HPSE2: variants seen among roughly 807,000 people sequenced by gnomAD.
The protein encoded by HPSE2 is inactive heparanase-2.
Under a neutral mutation model 60.5 loss-of-function variants are expected in HPSE2, and 38 were observed. That is an observed-to-expected ratio of 0.63 (90% CI 0.48 to 0.82). HPSE2 has a LOEUF of 0.82. Ranked by LOEUF, HPSE2 falls within the 40% of genes least tolerant of loss-of-function variation. The pLI, the probability that HPSE2 is intolerant of heterozygous loss-of-function variation, is 0.00. For missense variants in HPSE2, 713 were observed against 740.4 expected, an observed-to-expected ratio of 0.96 and a Z score of 0.43; for synonymous variants, 295 against 293.2, an observed-to-expected ratio of 1.01 and a Z score of -0.06.
At chr10:99,279,931 TG>T in the HPSE2 span, among the ~76,000 whole-genome samples, 1 of 152,220 alleles carries the variant, frequency 6.6e-6, no homozygotes, top group African/African-American at 2.4e-5. Flanking sequence ...ATTTTTAAGT[TG>T]ATGTCAGAGG....
intron 2 of HPSE2, among the ~76,000 whole-genome samples, chr10:99,219,628 C>G (rs548783157): frequency 6.6e-6 from 1 of 152,174 alleles, no homozygotes; most frequent in Non-Finnish European, 1.5e-5. Flanking sequence ...CTAATCCCAG[C>G]TCTTCTACGT....
chr10:99,179,930 A>C (rs1847692259), intron 2 of HPSE2, among the ~76,000 whole-genome samples: 1 of 152,216 alleles, frequency 6.6e-6, no homozygotes, highest in Non-Finnish European at 1.5e-5. Context: ...CCAATGAAAC[A>C]GAACAGAGGC....
intron 3 of HPSE2, among the ~76,000 whole-genome samples, chr10:99,125,450 G>A (rs1002056619): frequency 9.2e-5 from 14 of 152,292 alleles, no homozygotes; most frequent in South Asian, 2.1e-4. Flanking sequence ...TAAGGAAGAC[G>A]GCAGATTGGA....
chr10:98,645,371 C>T (rs1210663531), intron 6 of HPSE2, among the ~76,000 whole-genome samples: 1 of 152,194 alleles, frequency 6.6e-6, no homozygotes, highest in Non-Finnish European at 1.5e-5. Flanking sequence ...ATGAACTCTT[C>T]AAGAGAATAA....
chr10:98,698,668 CA>C (rs1318924099), intron 5 of HPSE2, among the ~76,000 whole-genome samples: 2 of 151,828 alleles, frequency 1.3e-5, no homozygotes, highest in Non-Finnish European at 1.5e-5. Context: ...AATAGAGACA[CA>C]AAAAACCCTT....
intron 3 of HPSE2, among the ~76,000 whole-genome samples, chr10:98,908,850 T>C (rs1395305284): frequency 2.0e-5 from 3 of 152,118 alleles, no homozygotes; most frequent in Non-Finnish European, 4.4e-5. Context: ...AAAACAATGC[T>C]ATTTATTCCT....
intron 3 of HPSE2, among the ~76,000 whole-genome samples, chr10:98,850,653 C>T (rs1227462621): frequency 2.1e-5 from 3 of 143,542 alleles, no homozygotes; most frequent in Admixed American, 7.3e-5. Context: ...AGGAGAATGG[C>T]GTGAACCCAG....
intron 3 of HPSE2, among the ~76,000 whole-genome samples, chr10:99,057,352 A>G (rs1958137976): frequency 6.6e-6 from 1 of 152,200 alleles, no homozygotes; most frequent in African/African-American, 2.4e-5. Flanking sequence ...ACTACAGACC[A>G]TAACATAGCT....
chr10:98,634,248 T>C (rs979372696), intron 7 of HPSE2, among the ~76,000 whole-genome samples: 1 of 152,218 alleles, frequency 6.6e-6, no homozygotes, highest in Non-Finnish European at 1.5e-5. Flanking sequence ...GCCCCTCGCT[T>C]TGTGCATCCT....
At chr10:98,509,736 G>A (rs1015643188) in intron 9 of HPSE2, among the ~76,000 whole-genome samples, 5 of 152,058 alleles carry the variant, frequency 3.3e-5, no homozygotes, top group African/African-American at 9.7e-5. Context: ...TGCTGACCTC[G>A]TGATCCACCC....
intron 2 of HPSE2, among the ~76,000 whole-genome samples, chr10:99,158,947 C>A (rs1004090078): frequency 1.3e-5 from 2 of 151,922 alleles, no homozygotes; most frequent in Non-Finnish European, 2.9e-5. Context: ...ACTAAACAGT[C>A]AATCAAAAGA....
At chr10:98,872,847 C>A (rs1409481973) in intron 3 of HPSE2, among the ~76,000 whole-genome samples, 1 of 152,300 alleles carries the variant, frequency 6.6e-6, no homozygotes, top group East Asian at 1.9e-4. Context: ...CAGTTTCTGG[C>A]AAGTGGTAAC....
chr10:98,835,355 A>AACATGAAATTTATACACACACAAAAATG (rs1175889267), intron 3 of HPSE2, among the ~76,000 whole-genome samples: 1 of 152,210 alleles, frequency 6.6e-6, no homozygotes, highest in Non-Finnish European at 1.5e-5. Context: ...ACACTTCAAA[A>AACATGAAATTTATACACACACAAAAATG]ACATGAAATT....
At chr10:98,570,156 G>T (rs1400112724) in intron 9 of HPSE2, among the ~76,000 whole-genome samples, 3 of 152,058 alleles carry the variant, frequency 2.0e-5, no homozygotes, top group African/African-American at 4.8e-5. Flanking sequence ...CTCCTTCCTT[G>T]CCCCTCACCT....
intron 3 of HPSE2, among the ~76,000 whole-genome samples, chr10:99,085,199 G>T (rs948693037): frequency 1.6e-4 from 24 of 152,200 alleles, no homozygotes; most frequent in African/African-American, 5.8e-4. Context: ...ACTAGATGCA[G>T]CCATGACTGC....
At chr10:98,625,288 T>C (rs1946177746) in intron 7 of HPSE2, among the ~76,000 whole-genome samples, 1 of 152,164 alleles carries the variant, frequency 6.6e-6, no homozygotes, top group Non-Finnish European at 1.5e-5. Flanking sequence ...TGAAAACCTA[T>C]TACAACATGA....
At position 98,788,912 on chromosome 10, in the gene HPSE2, G is replaced by A. The variant is rs1055849505; in HGVS notation, c.611-44856C>T. 1.2e-4 allele frequency among the ~76,000 whole-genome samples: 19 copies of A among 152,080 alleles called. 1 individual carries two copies. Among genetic ancestry groups the A allele is most frequent in the Non-Finnish European group, 2.2e-4 (15 of 68,028 alleles). On this transcript the variant is annotated intron_variant, in intron 3 of 11. Coordinates refer to ENST00000370552, the MANE Select transcript of HPSE2 (RefSeq NM_021828.5). Reference sequence around the variant, plus strand: ...GCAGAAATCACCCGTCTTCTGCGTCGCTCACGCTGGGAGCTGTAGACCGGA... The same window carrying A: ...GCAGAAATCACCCGTCTTCTGCGTCACTCACGCTGGGAGCTGTAGACCGGA...
chr10:99,197,531 CAAAAT>C (rs1848441814), intron 2 of HPSE2, among the ~76,000 whole-genome samples: 1 of 151,846 alleles, frequency 6.6e-6, no homozygotes, highest in South Asian at 2.1e-4. Context: ...AATAAGAAAA[CAAAAT>C]AAATAATACT....
chr10:99,023,698 C>G (rs1589533667), intron 3 of HPSE2, among the ~76,000 whole-genome samples: 1 of 152,218 alleles, frequency 6.6e-6, no homozygotes, highest in Non-Finnish European at 1.5e-5. Flanking sequence ...GAGTCTCTGC[C>G]TGATAATCCA....
Sources: gnomAD v4.1 joint callset for allele counts (sites outside exome capture counted in the v4.1 genomes callset) on GRCh38, gnomAD v4.1.1 for gene constraint, MANE v1.5 for transcripts, NCBI Gene and HGNC (gene_info 2026-07-23, HGNC 2026-07-21) for gene names.